STAU2: variants seen among roughly 807,000 people sequenced by gnomAD.
STAU2 encodes double-stranded RNA-binding protein Staufen homolog 2.
A neutral mutation model predicts 65.9 loss-of-function variants in STAU2; 20 were observed. That is an observed-to-expected ratio of 0.30 (90% CI 0.21 to 0.44). The LOEUF is 0.44. STAU2 is among the 20% of genes least tolerant of loss of function. STAU2 has a pLI of 1.00. For missense variants in STAU2, 558 were observed against 683.9 expected (o/e 0.82, Z 2.05); for synonymous variants, 232 against 233.9 (o/e 0.99, Z 0.07).
chr8:73,687,527 A>C (rs537977708), intron 5 of STAU2, among the ~76,000 whole-genome samples: 2 of 142,808 alleles, frequency 1.4e-5, no homozygotes, highest in Admixed American at 1.4e-4. Flanking sequence ...CTATATATTT[A>C]AACTATATAT....
At chr8:73,740,692 C>T (rs532174696) in intron 1 of STAU2, among the ~76,000 whole-genome samples, 2 of 152,120 alleles carry the variant, frequency 1.3e-5, no homozygotes, top group Middle Eastern at 3.4e-3. Flanking sequence ...GACTTAGTGT[C>T]CCTTGCTTTC....
intron 10 of STAU2, among the ~76,000 whole-genome samples, chr8:73,599,655 T>C (rs963987368): frequency 1.3e-5 from 2 of 152,254 alleles, no homozygotes; most frequent in African/African-American, 2.4e-5. Flanking sequence ...ATTGGCTGTT[T>C]CATCTGTCCC....
intron 13 of STAU2, among the ~76,000 whole-genome samples, chr8:73,461,615 C>T (rs1225692250): frequency 1.3e-5 from 2 of 151,974 alleles, no homozygotes; most frequent in African/African-American, 4.8e-5. Flanking sequence ...TGCATCATGT[C>T]ATGCTGGTGG....
At chr8:73,439,335 GACTGGGCATGGTGGCTC>G in intron 13 of STAU2, 1 of 295,460 alleles carries the variant, frequency 3.4e-6, no homozygotes, top group South Asian at 3.1e-5. Flanking sequence ...GCTAAGATTT[GACTGGGCATGGTGGCTC>G]ATGCCTGTAA....
At chr8:73,491,323 G>A (rs1259845471) in intron 13 of STAU2, among the ~76,000 whole-genome samples, 1 of 151,968 alleles carries the variant, frequency 6.6e-6, no homozygotes, top group Non-Finnish European at 1.5e-5. Flanking sequence ...TGTTTAGCAG[G>A]CGGTCAAAGA....
At position 73,442,080 on chromosome 8, in the gene STAU2, C is replaced by T. The variant is rs528794644; in HGVS notation, c.1531-19378G>A. Among the ~76,000 whole-genome samples the T allele has an allele frequency of 2.2e-4, 33 of 152,184 alleles. No individual in the cohort carries two copies. The Middle Eastern group carries it at 0.014, about 63-fold the overall frequency. ...TTTTAGAAACCCCATTTAGGCCAGG[C>T]GCAGTGGCTCACACCTGTAATCCCA... On this transcript the variant is annotated intron_variant, in intron 13 of 14. Transcript: ENST00000524300.
At chr8:73,726,318 T>C (rs565174225) in intron 3 of STAU2, among the ~76,000 whole-genome samples, 14 of 152,164 alleles carry the variant, frequency 9.2e-5, no homozygotes, top group Admixed American at 2.0e-4. Context: ...AGACTACACA[T>C]TGAGTACAGT....
intron 13 of STAU2, among the ~76,000 whole-genome samples, chr8:73,470,210 G>A (rs780152311): frequency 1.3e-5 from 2 of 152,214 alleles, no homozygotes; most frequent in Admixed American, 6.5e-5. Context: ...AGGCTTCTAG[G>A]CAGATGTGTC....
At chr8:73,692,267 G>A (rs968022149) in intron 4 of STAU2, among the ~76,000 whole-genome samples, 3 of 150,982 alleles carry the variant, frequency 2.0e-5, no homozygotes, top group Non-Finnish European at 4.4e-5. Context: ...GCACAATCTC[G>A]TCTCATTGCA....
At chr8:73,590,623 G>C (rs1472162125) in intron 11 of STAU2, 2 of 152,236 alleles carry the variant, frequency 1.3e-5, no homozygotes, top group Non-Finnish European at 2.9e-5. Context: ...CAGGGCCCAA[G>C]GTGAACAAGA....
At chr8:73,474,731 G>A (rs1165415373) in intron 13 of STAU2, among the ~76,000 whole-genome samples, 4 of 152,052 alleles carry the variant, frequency 2.6e-5, no homozygotes, top group Non-Finnish European at 4.4e-5. Context: ...TTTATTTAAT[G>A]TTCCAACAGA....
chr8:73,538,732 C>A (rs1374921773), intron 13 of STAU2, among the ~76,000 whole-genome samples: 2 of 149,468 alleles, frequency 1.3e-5, no homozygotes, highest in African/African-American at 4.9e-5. Flanking sequence ...GTAATGGGGA[C>A]CAAGAAACTT....
chr8:73,718,650 A>G (rs1821425859), intron 3 of STAU2, among the ~76,000 whole-genome samples: 1 of 152,234 alleles, frequency 6.6e-6, no homozygotes, highest in South Asian at 2.1e-4. Context: ...GAGTAAGCCA[A>G]TTCCTAGGTA....
intron 12 of STAU2, among the ~76,000 whole-genome samples, chr8:73,555,036 A>G (rs1267620795): frequency 6.6e-6 from 1 of 152,208 alleles, no homozygotes; most frequent in Non-Finnish European, 1.5e-5. Flanking sequence ...GCACCAACCA[A>G]TACTGTCCTG....
intron 13 of STAU2, among the ~76,000 whole-genome samples, chr8:73,506,754 T>C (rs1209537164): frequency 6.6e-6 from 1 of 152,192 alleles, no homozygotes; most frequent in Non-Finnish European, 1.5e-5. Context: ...TGCTGTTTGA[T>C]AATATTTTAC....
At chr8:73,609,985 A>G (rs997295859) in intron 9 of STAU2, among the ~76,000 whole-genome samples, 4 of 152,196 alleles carry the variant, frequency 2.6e-5, no homozygotes, top group Admixed American at 2.6e-4. Context: ...GTGTACATTA[A>G]GAATTGCTTG....
In STAU2 at chr8:73,567,860, G is replaced by T. The variant is rs900478600; in HGVS notation, c.1222+14910C>A. ...CCTTTTCTTACTCGCTGGGGGGGAG[G>T]GGGGAGTTGGGCAGGATGGTGGTGT... On this transcript the variant is annotated intron_variant, in intron 12 of 14. Coordinates refer to ENST00000524300, the MANE Select transcript of STAU2 (RefSeq NM_001164380.2). 2.1e-4 allele frequency among the ~76,000 whole-genome samples: 32 copies of T among 151,960 alleles called. 1 individual carries two copies. The highest frequency in any genetic ancestry group is 3.2e-3 in the Middle Eastern group (1 of 316).
At chr8:73,449,166 G>A (rs1416137103) in intron 13 of STAU2, among the ~76,000 whole-genome samples, 2 of 152,258 alleles carry the variant, frequency 1.3e-5, no homozygotes, top group African/African-American at 4.8e-5. Context: ...GGCCGGGCGA[G>A]TTAGGCCGCA....
At chr8:73,717,977 C>G (rs1213221371) in intron 3 of STAU2, among the ~76,000 whole-genome samples, 1 of 152,078 alleles carries the variant, frequency 6.6e-6, no homozygotes, top group Non-Finnish European at 1.5e-5. Flanking sequence ...AACATTTTAA[C>G]AAAGTTGAGT....
Sources: allele counts gnomAD v4.1 joint callset (sites outside exome capture counted in the v4.1 genomes callset), GRCh38; gene constraint gnomAD v4.1.1; transcripts MANE v1.5; gene names NCBI Gene and HGNC (gene_info 2026-07-23, HGNC 2026-07-21).